ASPA: variants seen among roughly 807,000 people sequenced by gnomAD.
ASPA encodes ACY-2.
ASPA carries 25 observed loss-of-function variants against 29.6 expected under a neutral mutation model. The ratio of observed to expected loss-of-function variants is 0.85; its 90% CI spans 0.62 to 1.18. The LOEUF (loss-of-function observed/expected upper bound fraction) is 1.18, where lower values mean the gene tolerates loss of function less well. Among genes scored for constraint, ASPA ranks in the 50% most tolerant of loss-of-function variants. The probability of loss-of-function intolerance (pLI) is 0.00; values close to 1 mark genes in which losing one functional copy is unlikely to be tolerated. For missense variants in ASPA, 333 were observed against 385.7 expected (o/e 0.86, Z 1.14); for synonymous variants, 131 against 130.3 (o/e 1.01, Z -0.04).
chr17:3,501,824 G>C lies in ASPA; in HGVS notation c.*2736G>C, dbSNP rs914934999. 4.6e-5 allele frequency: 7 copies of C among 152,248 alleles called. No homozygotes were observed. Among genetic ancestry groups the C allele is most frequent in the African/African-American group, 1.7e-4 (7 of 41,412 alleles). The allele number at this position is 152,248 out of a possible 1,614,324, so 9.4% of individuals were successfully genotyped here. The stretch of plus-strand genomic sequence containing the variant: ...ACATATTAGCCAGGCGTGGTGGCAC[G>C]TGCCTGTAGTCCCAGCTACTTGGGA... On this transcript the variant is annotated 3_prime_UTR_variant, in exon 6 of 6. Transcript: ENST00000263080.
At position 3,498,964 on chromosome 17, in the gene ASPA, G is replaced by A. The variant is rs1597450770; in HGVS notation, c.818G>A (p.Gly273Asp). 6.2e-7 allele frequency: 1 copy of A among 1,614,058 alleles called. No homozygotes were observed. Among genetic ancestry groups the A allele is most frequent in the Non-Finnish European group, 8.5e-7 (1 of 1,179,950 alleles). The change falls in exon 6 of 6, where the codon GGC (glycine) becomes GAC (aspartate). Residue 273 changes from glycine (G) to aspartate (D), a missense_variant. Transcript: ENST00000263080. ...CTTGATGGGAAGACGATCCCACTGG[G>A]CGGAGACTGTACCGTGTACCCCGTG... ...LTLDGKTIPL[G>D]GDCTVYPVFV...
intron 3 of ASPA, among the ~76,000 whole-genome samples, chr17:3,484,378 T>C (rs1030548955): frequency 6.6e-6 from 1 of 152,148 alleles, no homozygotes; most frequent in African/African-American, 2.4e-5. Context: ...GGTAACCAGG[T>C]AATCACTGCA....
Position 3,478,053 on chromosome 17 carries a change from C to T in ASPA, c.236+1658C>T, listed in dbSNP as rs374571919. On this transcript the variant is annotated intron_variant, in intron 1 of 5. Coordinates refer to ENST00000263080, the MANE Select transcript of ASPA (RefSeq NM_000049.4). Reference sequence around the variant, plus strand: ...ACAAAAAATTAGCCGGGCATGGTGGCGGGCACCTGTAGTCCCAGCTATTCG... The same window carrying T: ...ACAAAAAATTAGCCGGGCATGGTGGTGGGCACCTGTAGTCCCAGCTATTCG... 2.0e-5 allele frequency among the ~76,000 whole-genome samples: 3 copies of T among 152,078 alleles called. No individual in the cohort carries two copies. The South Asian group carries it at 6.2e-4, about 32-fold the overall frequency.
Position 3,501,884 on chromosome 17 carries a change from CA to C in ASPA, c.*2797del, listed in dbSNP as rs1205826314. ...AGAAGGATCACTTGAACCCAGGAGG[CA>C]GAGGTTGCAGTAAGCCAAGACTGCG... On this transcript the variant is annotated 3_prime_UTR_variant, in exon 6 of 6. Transcript: ENST00000263080. The C allele has an allele frequency of 6.6e-6, 1 of 151,704 alleles. No individual in the cohort carries two copies. Among genetic ancestry groups the C allele is most frequent in the Non-Finnish European group, 1.5e-5 (1 of 68,090 alleles). The allele number at this position is 151,704 out of a possible 1,614,324, so 9.4% of individuals were successfully genotyped here.
rs183601682 is a variant in ASPA, at chr17:3,478,084, C to T, written c.236+1689C>T. Among the ~76,000 whole-genome samples the T allele has an allele frequency of 1.7e-3, 260 of 152,154 alleles. No individual in the cohort carries two copies. In the Middle Eastern group the frequency reaches 0.02, roughly 12 times the overall value. Reference sequence around the variant, plus strand: ...CCTGTAGTCCCAGCTATTCGGGAGACTGAGGCAGGAGAATGGCGTGAACCT... The same window carrying T: ...CCTGTAGTCCCAGCTATTCGGGAGATTGAGGCAGGAGAATGGCGTGAACCT... On this transcript the variant is annotated intron_variant, in intron 1 of 5. Coordinates refer to ENST00000263080, the MANE Select transcript of ASPA (RefSeq NM_000049.4).
At position 3,490,469 on chromosome 17, in the gene ASPA, G is replaced by T. The variant is rs919420272; in HGVS notation, c.634+1127G>T. Among the ~76,000 whole-genome samples, 7 of 152,148 alleles carry T rather than the reference G, an allele frequency of 4.6e-5. No homozygotes were observed. Among genetic ancestry groups the T allele is most frequent in the African/African-American group, 1.7e-4 (7 of 41,430 alleles). ...AGTTGAAATTGTTGTTGAGGAATGG[G>T]CAATTATAATAACAGAGGGGGTGTG... On this transcript the variant is annotated intron_variant, in intron 4 of 5. Transcript: ENST00000263080. The surrounding 1 kb of genome is among the most constrained non-coding windows in gnomAD (Gnocchi z 4.6).
At position 3,485,435 on chromosome 17, in the gene ASPA, C is replaced by A. The variant is rs2073701909; in HGVS notation, c.526+1843C>A. On this transcript the variant is annotated intron_variant, in intron 3 of 5. Coordinates refer to ENST00000263080, the MANE Select transcript of ASPA (RefSeq NM_000049.4). This position sits in a 1 kb window ranked among gnomAD's most constrained non-coding sequence, Gnocchi z 4.4. The stretch of plus-strand genomic sequence containing the variant: ...TAGCCAACCAGGAGAATCGCTTGAA[C>A]CCCGGAGGTGGAGGTTGCAGTGAGC... 6.6e-6 allele frequency among the ~76,000 whole-genome samples: 1 copy of A among 152,284 alleles called. No individual in the cohort carries two copies. Among genetic ancestry groups the A allele is most frequent in the Non-Finnish European group, 1.5e-5 (1 of 68,030 alleles).
Position 3,488,763 on chromosome 17 carries a change from T to C in ASPA, c.527-472T>C, listed in dbSNP as rs536934399. Among the ~76,000 whole-genome samples the C allele has an allele frequency of 6.6e-6, 1 of 152,352 alleles. No individual in the cohort carries two copies. The highest frequency in any genetic ancestry group is 2.1e-4 in the South Asian group (1 of 4,832). On this transcript the variant is annotated intron_variant, in intron 3 of 5. Transcript: ENST00000263080. This position sits in a 1 kb window ranked among gnomAD's most constrained non-coding sequence, Gnocchi z 6.1. ...GGGTCACATAGATTGTCATATTGAC[T>C]GAAATCCATGATTCATCTAGTCTGG...
rs910287171 is a variant in ASPA at position 3,490,491 on chromosome 17, T to C, written c.634+1149T>C. Among the ~76,000 whole-genome samples the C allele has an allele frequency of 3.3e-5, 5 of 151,952 alleles. No homozygotes were observed. Among genetic ancestry groups the C allele is most frequent in the Admixed American group, 6.6e-5 (1 of 15,238 alleles). On this transcript the variant is annotated intron_variant, in intron 4 of 5. Transcript: ENST00000263080. This position sits in a 1 kb window ranked among gnomAD's most constrained non-coding sequence, Gnocchi z 4.6. ...TGGGCAATTATAATAACAGAGGGGGTGTGTACTTCGGTGTCTGTGGGGAGT... is the reference window on the plus strand; with the variant it reads ...TGGGCAATTATAATAACAGAGGGGGCGTGTACTTCGGTGTCTGTGGGGAGT...
chr17:3,491,399 G>A (rs1194561323), intron 4 of ASPA, among the ~76,000 whole-genome samples: 1 of 152,068 alleles, frequency 6.6e-6, no homozygotes, highest in Non-Finnish European at 1.5e-5. Flanking sequence ...TCTATAAAGA[G>A]GAATTTAGCC....
intron 5 of ASPA, among the ~76,000 whole-genome samples, chr17:3,498,501 C>T (rs1240761658): frequency 1.3e-5 from 2 of 152,082 alleles, no homozygotes; most frequent in Admixed American, 6.6e-5. Flanking sequence ...GCATGCACCA[C>T]CACACCCAGC....
intron 3 of ASPA, among the ~76,000 whole-genome samples, chr17:3,484,712 A>T (rs1247682738): frequency 1.3e-5 from 2 of 152,258 alleles, no homozygotes; most frequent in African/African-American, 4.8e-5. Flanking sequence ...TCAAATTGCT[A>T]TAAAAGTTTC....
At chr17:3,494,024 T>A (rs972834264) in intron 4 of ASPA, among the ~76,000 whole-genome samples, 1 of 122,364 alleles carries the variant, frequency 8.2e-6, no homozygotes, top group African/African-American at 2.9e-5. Flanking sequence ...ATTGTTAACT[T>A]CCCTTTTTCC....
At chr17:3,487,968 A>G (rs528870815) in intron 3 of ASPA, among the ~76,000 whole-genome samples, 6 of 152,352 alleles carry the variant, frequency 3.9e-5, no homozygotes, top group African/African-American at 1.4e-4. Flanking sequence ...ATGACACCAT[A>G]TACTTAAATA....
chr17:3,496,946 A>G (rs1218903512), intron 5 of ASPA, among the ~76,000 whole-genome samples: 10 of 152,282 alleles, frequency 6.6e-5, no homozygotes, highest in African/African-American at 1.7e-4. Context: ...GGCGCCTGTA[A>G]TCCCAGCTAC....
rs1449638441 is a variant in ASPA at position 3,488,339 on chromosome 17, T to C, written c.527-896T>C. Among the ~76,000 whole-genome samples, 3 of 152,034 alleles carry C rather than the reference T, an allele frequency of 2.0e-5. No homozygotes were observed. The highest frequency in any genetic ancestry group is 3.9e-4 in the East Asian group (2 of 5,174). ...ATCATTTCATATGAGTTAGAAGAAATGAACACAAGTTTTTTCCTGCATAAA... is the reference window on the plus strand; with the variant it reads ...ATCATTTCATATGAGTTAGAAGAAACGAACACAAGTTTTTTCCTGCATAAA... On this transcript the variant is annotated intron_variant, in intron 3 of 5. Transcript: ENST00000263080. This position sits in a 1 kb window ranked among gnomAD's most constrained non-coding sequence, Gnocchi z 6.1.
chr17:3,500,767 G>A lies in ASPA; in HGVS notation c.*1679G>A, dbSNP rs954473700. The A allele has an allele frequency of 2.0e-5, 3 of 151,910 alleles. No homozygotes were observed. The highest frequency in any genetic ancestry group is 4.4e-5 in the Non-Finnish European group (3 of 68,110). 9.4% of individuals were successfully genotyped at this position (151,910 alleles called of 1,614,324 possible). On this transcript the variant is annotated 3_prime_UTR_variant, in exon 6 of 6. Coordinates refer to ENST00000263080, the MANE Select transcript of ASPA (RefSeq NM_000049.4). ...GATCCGCCTGCCTCGGCCTCCCAAA[G>A]TGCTGGGATTACAGGCATGAGCCAC... is the stretch of plus-strand genomic sequence containing the variant.
Position 3,499,264 on chromosome 17 carries a change from A to C in ASPA, c.*176A>C, listed in dbSNP as rs2073962125. On this transcript the variant is annotated 3_prime_UTR_variant, in exon 6 of 6. Transcript: ENST00000263080. The stretch of plus-strand genomic sequence containing the variant: ...TAATTAATATATCTTTAAAGATATC[A>C]TATTTTATGTATGTAGCTTATTCAA... The C allele has an allele frequency of 1.8e-6, 1 of 548,126 alleles. No homozygotes were observed. Among genetic ancestry groups the C allele is most frequent in the Admixed American group, 3.4e-5 (1 of 29,144 alleles). 34.0% of individuals were successfully genotyped at this position (548,126 alleles called of 1,614,324 possible). A position where few individuals can be genotyped will look rare whatever the true frequency, so the allele number is the denominator to read the frequency against.
Position 3,481,597 on chromosome 17 carries a change from T to C in ASPA, c.237-6T>C, listed in dbSNP as rs370219865. On this transcript the variant is annotated splice_polypyrimidine_tract_variant and splice_region_variant and intron_variant, in intron 1 of 5. Coordinates refer to ENST00000263080, the MANE Select transcript of ASPA (RefSeq NM_000049.4). ...TTGTTCATCTTTTTCTTTCTGCTTATAACAGCAAAAAAATGTCAGAAGATT... is the reference window on the plus strand; with the variant it reads ...TTGTTCATCTTTTTCTTTCTGCTTACAACAGCAAAAAAATGTCAGAAGATT... 6.8e-5 allele frequency: 109 copies of C among 1,612,490 alleles called. No individual in the cohort carries two copies. Among genetic ancestry groups the C allele is most frequent in the Non-Finnish European group, 9.1e-5 (107 of 1,179,314 alleles).
Sources: allele counts gnomAD v4.1 joint callset (sites outside exome capture counted in the v4.1 genomes callset), GRCh38; gene constraint gnomAD v4.1.1; non-coding constraint Gnocchi (gnomAD v3.1); transcripts MANE v1.5; gene names NCBI Gene and HGNC (gene_info 2026-07-23, HGNC 2026-07-21).